Variants in FAM124B observed in about 807,000 individuals in gnomAD.
FAM124B encodes the protein protein FAM124B.
In FAM124B, 18 loss-of-function variants were observed where a neutral mutation model predicts 19.7. The observed-to-expected ratio is 0.92, with a 90% confidence interval of 0.63 to 1.36. The LOEUF is 1.36. Among genes scored for constraint, FAM124B ranks in the 40% most tolerant of loss-of-function variants. FAM124B has a pLI of 0.00. For synonymous variants in FAM124B, 223 were observed against 225.2 expected (o/e 0.99, Z 0.09); for missense variants, 540 against 553.3 (o/e 0.98, Z 0.24).
intron 1 of FAM124B, among the ~76,000 whole-genome samples, chr2:224,388,860 G>A (rs907162222): frequency 1.3e-5 from 2 of 152,210 alleles, no homozygotes; most frequent in Non-Finnish European, 2.9e-5. Flanking sequence ...GTGGGAGTGA[G>A]CCCAGAGCTC....
chr2:224,401,575 G>T lies in FAM124B; in HGVS notation c.194C>A (p.Pro65Gln). 6.2e-7 allele frequency: 1 copy of T among 1,614,188 alleles called. No individual in the cohort carries two copies. Among genetic ancestry groups the T allele is most frequent in the Non-Finnish European group, 8.5e-7 (1 of 1,180,044 alleles). ...EKSHSKRSRF[P>Q]GMSVLLFLHE... Reference sequence around the variant, plus strand: ...CAGGAAGAGCAACACGGACATCCCTGGAAACCGGGACCGCTTGGAATGGGA... The same window carrying T: ...CAGGAAGAGCAACACGGACATCCCTTGAAACCGGGACCGCTTGGAATGGGA... Residue 65 changes from proline (P) to glutamine (Q), a missense_variant, in exon 1 of 2, where the codon CCA (proline) becomes CAA (glutamine). Coordinates refer to ENST00000409685, the MANE Select transcript of FAM124B (RefSeq NM_001122779.2).
rs1295694870 is a variant in FAM124B, at chr2:224,379,274, A to G, written c.*299T>C. 1 of 314,782 alleles carries G rather than the reference A, an allele frequency of 3.2e-6. No homozygotes were observed. The highest frequency in any genetic ancestry group is 4.7e-5 in the Admixed American group (1 of 21,264). 19.5% of individuals were successfully genotyped at this position (314,782 alleles called of 1,614,324 possible). On this transcript the variant is annotated 3_prime_UTR_variant, in exon 2 of 2. Coordinates refer to ENST00000409685, the MANE Select transcript of FAM124B (RefSeq NM_001122779.2). ...CGATTCATTTGCATACAATGCAATT[A>G]TCCTGATAGGTGCTGGATTCAACAC...
At chr2:224,382,498 C>A (rs1689739203) in intron 1 of FAM124B, among the ~76,000 whole-genome samples, 3 of 149,992 alleles carry the variant, frequency 2.0e-5, no homozygotes, top group Admixed American at 2.0e-4. Context: ...CAACCTCCAC[C>A]TGCCAGGTTC....
chr2:224,395,778 T>G (rs116353906), intron 1 of FAM124B, among the ~76,000 whole-genome samples: 326 of 152,334 alleles, frequency 2.1e-3, no homozygotes, highest in African/African-American at 7.4e-3. Flanking sequence ...GGCATCAGAC[T>G]GTCTGCAATG....
Position 224,401,132 on chromosome 2 carries a change from C to T in FAM124B, c.637G>A (p.Gly213Ser), listed in dbSNP as rs771811630. ...TTGGGTAGCAGAGGCACTAACTGGC[C>T]GATCTCTTGAACCTTAAACTGCAGC... ...SVLQFKVQEI[G>S]QLVPLLPNPC... Residue 213 changes from glycine (G) to serine (S), a missense_variant, in exon 1 of 2, where the codon GGC becomes AGC. Physicochemically the swap from Gly to Ser is moderately conservative, Grantham distance 56. Coordinates refer to ENST00000409685, the MANE Select transcript of FAM124B (RefSeq NM_001122779.2). 1.1e-5 allele frequency: 18 copies of T among 1,613,982 alleles called. No individual in the cohort carries two copies. The highest frequency in any genetic ancestry group is 1.7e-5 in the Admixed American group (1 of 59,976).
chr2:224,388,805 T>C (rs1689838168), intron 1 of FAM124B, among the ~76,000 whole-genome samples: 1 of 152,228 alleles, frequency 6.6e-6, no homozygotes, highest in Non-Finnish European at 1.5e-5. Context: ...TAAGTTTTTG[T>C]CTCACATATT....
intron 1 of FAM124B, chr2:224,400,443 C>T: frequency 1.4e-6 from 1 of 697,438 alleles, no homozygotes. Context: ...AAGGTGAAGA[C>T]CTCAGGGAGC....
At chr2:224,398,129 G>A (rs1230282585) in intron 1 of FAM124B, among the ~76,000 whole-genome samples, 1 of 152,112 alleles carries the variant, frequency 6.6e-6, no homozygotes, top group African/African-American at 2.4e-5. Flanking sequence ...ACAGAGTCTT[G>A]CTCTGTCATC....
At chr2:224,400,579 G>C (rs973531778) in intron 1 of FAM124B, 2 of 657,018 alleles carry the variant, frequency 3.0e-6, no homozygotes, top group Non-Finnish European at 5.5e-6. Context: ...CCTTAAGTCA[G>C]ATTAGAAGAG....
chr2:224,397,488 C>T (rs1286788621), intron 1 of FAM124B, among the ~76,000 whole-genome samples: 1 of 152,004 alleles, frequency 6.6e-6, no homozygotes, highest in Non-Finnish European at 1.5e-5. Context: ...TGAACAGATA[C>T]CTGAAAATGT....
rs752658445 is a variant in FAM124B, at chr2:224,379,482, T to G, written c.*91A>C. The G allele has an allele frequency of 4.9e-6, 7 of 1,440,488 alleles. No homozygotes were observed. The highest frequency in any genetic ancestry group is 5.6e-5 in the Admixed American group (2 of 35,560). 89.2% of individuals were successfully genotyped at this position (1,440,488 alleles called of 1,614,324 possible). A position where few individuals can be genotyped will look rare whatever the true frequency, so the allele number is the denominator to read the frequency against. On this transcript the variant is annotated 3_prime_UTR_variant, in exon 2 of 2. Coordinates refer to ENST00000409685, the MANE Select transcript of FAM124B (RefSeq NM_001122779.2). The stretch of plus-strand genomic sequence containing the variant: ...TGGGGAGCATTCAGCCCCCCTCAGA[T>G]GAACAACTAACAGGCTGATTCTGGG...
intron 1 of FAM124B, among the ~76,000 whole-genome samples, chr2:224,394,800 C>A (rs1188073647): frequency 6.6e-6 from 1 of 152,070 alleles, no homozygotes; most frequent in East Asian, 1.9e-4. Flanking sequence ...ACTTGACATC[C>A]TCAGTCAATT....
intron 1 of FAM124B, among the ~76,000 whole-genome samples, chr2:224,394,468 C>T (rs900446529): frequency 1.3e-5 from 2 of 152,160 alleles, no homozygotes; most frequent in African/African-American, 4.8e-5. Flanking sequence ...CTCCTATTTC[C>T]ATTATGAGTT....
chr2:224,382,770 C>T (rs2216460), intron 1 of FAM124B, among the ~76,000 whole-genome samples: 1 of 151,932 alleles, frequency 6.6e-6, no homozygotes, highest in South Asian at 2.1e-4. Context: ...ATCTAATTAG[C>T]GCAGCCCTGG....
rs545778615 is a variant in FAM124B at position 224,396,783 on chromosome 2, AT to A, written c.732+4253del. On this transcript the variant is annotated intron_variant, in intron 1 of 1. Transcript: ENST00000409685. ...TAGTTGGTCTAACTGAAGTCCAGAC[AT>A]TTTGTTGCGCCATGGTGGGGCAAGG... 4.0e-3 allele frequency among the ~76,000 whole-genome samples: 614 copies of A among 152,320 alleles called. 4 individuals are homozygous for A. Among genetic ancestry groups the A allele is most frequent in the African/African-American group, 0.014 (591 of 41,578 alleles).
intron 1 of FAM124B, among the ~76,000 whole-genome samples, chr2:224,388,849 T>TGTGG (rs1489523007): frequency 6.6e-6 from 1 of 152,150 alleles, no homozygotes; most frequent in African/African-American, 2.4e-5. Context: ...AAAGCAAAGG[T>TGTGG]GTGGGAGTGA....
intron 1 of FAM124B, among the ~76,000 whole-genome samples, chr2:224,395,355 C>A (rs1689953190): frequency 6.6e-6 from 1 of 152,188 alleles, no homozygotes; most frequent in African/African-American, 2.4e-5. Flanking sequence ...AGAGATACTG[C>A]AGCATGTGGT....
At chr2:224,380,432 C>T (rs1441166312) in intron 1 of FAM124B, among the ~76,000 whole-genome samples, 1 of 152,162 alleles carries the variant, frequency 6.6e-6, no homozygotes, top group Non-Finnish European at 1.5e-5. Context: ...AAGTTTTTGA[C>T]AAGGGTAAGA....
At chr2:224,380,311 C>A in intron 1 of FAM124B, 103 bp from the exon 2 acceptor site, 1 of 1,031,930 alleles carries the variant, frequency 9.7e-7, no homozygotes, top group Admixed American at 2.9e-5. Flanking sequence ...ATGCCCATAG[C>A]AGACTTTCAG....
Sources: gnomAD v4.1 joint callset for allele counts (sites outside exome capture counted in the v4.1 genomes callset) on GRCh38, gnomAD v4.1.1 for gene constraint, MANE v1.5 for transcripts, NCBI Gene and HGNC (gene_info 2026-07-23, HGNC 2026-07-21) for gene names.